CLYBL: variants seen among roughly 807,000 people sequenced by gnomAD.
CLYBL encodes citramalyl-CoA lyase, also known as citramalyl-CoA lyase, mitochondrial.
A neutral mutation model predicts 38.9 loss-of-function variants in CLYBL; 31 were observed. That is an observed-to-expected ratio of 0.80 (90% CI 0.60 to 1.08). CLYBL has a LOEUF of 1.08. Ranked by LOEUF, CLYBL falls within the 50% of genes least tolerant of loss-of-function variation. The pLI is 0.00. For synonymous variants in CLYBL, 171 were observed against 158.6 expected, an observed-to-expected ratio of 1.08 and a Z score of -0.59; for missense variants, 434 against 411.6, an observed-to-expected ratio of 1.05 and a Z score of -0.47.
intron 1 of CLYBL, among the ~76,000 whole-genome samples, chr13:99,686,739 A>G (rs182203546): frequency 8.5e-5 from 13 of 152,344 alleles, no homozygotes; most frequent in African/African-American, 2.6e-4. Context: ...TTTAAAATGG[A>G]AAACTTGACG....
intron 2 of CLYBL, among the ~76,000 whole-genome samples, chr13:99,854,036 C>A (rs2051396032): frequency 6.6e-6 from 1 of 152,190 alleles, no homozygotes; most frequent in Admixed American, 6.5e-5. Flanking sequence ...GAATACGTGG[C>A]ATGGCAATTG....
chr13:99,634,679 T>G (rs1594093794), intron 1 of CLYBL, among the ~76,000 whole-genome samples: 2 of 152,314 alleles, frequency 1.3e-5, no homozygotes, highest in Admixed American at 1.3e-4. Context: ...TTAAATAAAT[T>G]TTTAAATGTC....
intron 1 of CLYBL, among the ~76,000 whole-genome samples, chr13:99,737,147 CA>C (rs576445430): frequency 1.5e-4 from 20 of 134,596 alleles, no homozygotes; most frequent in Admixed American, 1.5e-3. Context: ...AGAGTTGATA[CA>C]AATCCATCTT....
chr13:99,610,172 A>C (rs2046604744), intron 1 of CLYBL, among the ~76,000 whole-genome samples: 1 of 152,180 alleles, frequency 6.6e-6, no homozygotes, highest in African/African-American at 2.4e-5. Context: ...AAAGCAGTGG[A>C]ATTCTAGGCA....
chr13:99,636,815 C>T (rs2047024278), intron 1 of CLYBL, among the ~76,000 whole-genome samples: 1 of 152,150 alleles, frequency 6.6e-6, no homozygotes, highest in African/African-American at 2.4e-5. Context: ...CATGCCTTCA[C>T]TCCATTATAG....
intron 1 of CLYBL, among the ~76,000 whole-genome samples, chr13:99,756,840 A>G (rs2049071066): frequency 6.6e-6 from 1 of 152,210 alleles, no homozygotes; most frequent in South Asian, 2.1e-4. Flanking sequence ...TGTATCTTCA[A>G]ATGGACATGC....
chr13:99,631,158 C>A (rs1403290562), intron 1 of CLYBL, among the ~76,000 whole-genome samples: 1 of 152,030 alleles, frequency 6.6e-6, no homozygotes, highest in Non-Finnish European at 1.5e-5. Context: ...CCCGTCTCCA[C>A]AAAAAATAGA....
intron 1 of CLYBL, among the ~76,000 whole-genome samples, chr13:99,758,211 C>G (rs935070227): frequency 6.6e-6 from 1 of 152,190 alleles, no homozygotes; most frequent in Non-Finnish European, 1.5e-5. Flanking sequence ...TTGGGAACCC[C>G]GTCATGCTAC....
At chr13:99,736,460 A>G (rs968592339) in intron 1 of CLYBL, among the ~76,000 whole-genome samples, 5 of 151,834 alleles carry the variant, frequency 3.3e-5, no homozygotes, top group South Asian at 2.1e-4. Flanking sequence ...TTTGCTAACC[A>G]TCTGTAACAA....
At chr13:99,632,743 C>CA (rs905517712) in intron 1 of CLYBL, among the ~76,000 whole-genome samples, 14 of 146,884 alleles carry the variant, frequency 9.5e-5, no homozygotes, top group East Asian at 4.1e-4. Context: ...GACTCCGTCT[C>CA]AAAAAAAACA....
rs2051278815 is a variant in CLYBL at position 99,849,329 on chromosome 13, TAGTG to T, written c.250-9529_250-9526del. Among the ~76,000 whole-genome samples, 1 of 151,924 alleles carries T rather than the reference TAGTG, an allele frequency of 6.6e-6. No homozygotes were observed. Among genetic ancestry groups the T allele is most frequent in the African/African-American group, 2.4e-5 (1 of 41,340 alleles). ...GAGTTTAAGACCAGCCTGGGCAACA[TAGTG>T]AGACACTGTATCTACAAAAAATACA... On this transcript the variant is annotated intron_variant, in intron 2 of 8. Coordinates refer to ENST00000339105, the MANE Select transcript of CLYBL (RefSeq NM_206808.5). The surrounding 1 kb of genome is among the most constrained non-coding windows in gnomAD (Gnocchi z 4.9).
At chr13:99,782,543 A>T (rs1173552272) in intron 2 of CLYBL, among the ~76,000 whole-genome samples, 1 of 152,048 alleles carries the variant, frequency 6.6e-6, no homozygotes, top group Non-Finnish European at 1.5e-5. Context: ...ATTTCAAAGG[A>T]TGGGTACCTT....
intron 1 of CLYBL, among the ~76,000 whole-genome samples, chr13:99,771,234 G>A (rs2049388780): frequency 6.6e-6 from 1 of 152,022 alleles, no homozygotes; most frequent in African/African-American, 2.4e-5. Flanking sequence ...TCCTGATAGA[G>A]CCGAGATTTT....
At chr13:99,884,365 C>G (rs1259677916) in intron 7 of CLYBL, among the ~76,000 whole-genome samples, 1 of 152,144 alleles carries the variant, frequency 6.6e-6, no homozygotes, top group African/African-American at 2.4e-5. Flanking sequence ...GCTCACGCCC[C>G]AGAGAGAGCC....
intron 2 of CLYBL, among the ~76,000 whole-genome samples, chr13:99,801,045 G>A (rs921795991): frequency 6.6e-6 from 1 of 152,144 alleles, no homozygotes; most frequent in Non-Finnish European, 1.5e-5. Flanking sequence ...CAGCTCTGAG[G>A]GTGTAAGTGA....
intron 7 of CLYBL, among the ~76,000 whole-genome samples, chr13:99,890,952 G>A (rs2052473511): frequency 1.3e-5 from 2 of 152,108 alleles, no homozygotes; most frequent in South Asian, 4.1e-4. Context: ...ATAATCAGTT[G>A]CCAGAATATA....
intron 1 of CLYBL, among the ~76,000 whole-genome samples, chr13:99,642,157 G>A (rs573029465): frequency 3.3e-5 from 5 of 152,280 alleles, no homozygotes; most frequent in Admixed American, 2.0e-4. Context: ...GACCCCAGCT[G>A]TGGGTAGATT....
chr13:99,895,267 C>A (rs190797184), downstream of CLYBL: 65 of 146,272 alleles, frequency 4.4e-4, 1 homozygote, highest in African/African-American at 1.5e-3. Flanking sequence ...ATTGGAAGGA[C>A]CTTCCGCTTT....
chr13:99,712,572 T>A (rs1014220045), intron 1 of CLYBL, among the ~76,000 whole-genome samples: 2 of 151,924 alleles, frequency 1.3e-5, no homozygotes, highest in African/African-American at 4.8e-5. Flanking sequence ...GGTCTCCAAG[T>A]CTGGAGCTCA....
Sources: allele counts gnomAD v4.1 joint callset (sites outside exome capture counted in the v4.1 genomes callset), GRCh38; gene constraint gnomAD v4.1.1; non-coding constraint Gnocchi (gnomAD v3.1); transcripts MANE v1.5; gene names NCBI Gene and HGNC (gene_info 2026-07-23, HGNC 2026-07-21).